Variants in CFAP77 observed in about 807,000 individuals in gnomAD.
CFAP77 encodes cilia- and flagella-associated protein 77.
Under a neutral mutation model 31.1 loss-of-function variants are expected in CFAP77, and 25 were observed. That is an observed-to-expected ratio of 0.80 (90% CI 0.59 to 1.12). The LOEUF (loss-of-function observed/expected upper bound fraction) is 1.12. Among genes scored for constraint, CFAP77 ranks in the 50% most tolerant of loss-of-function variants. The pLI, the probability that CFAP77 is intolerant of heterozygous loss-of-function variation, is 0.00. For synonymous variants in CFAP77, 151 were observed against 159.9 expected (o/e 0.94, Z 0.42); for missense variants, 377 against 397.3 (o/e 0.95, Z 0.44).
At chr9:132,420,237 T>C (rs947031282) in intron 1 of CFAP77, among the ~76,000 whole-genome samples, 6 of 150,666 alleles carry the variant, frequency 4.0e-5, no homozygotes, top group Admixed American at 6.6e-5. Context: ...AGGAGCAGTA[T>C]TGGGGCTTTC....
At chr9:132,506,087 C>T (rs192574447) in intron 3 of CFAP77, among the ~76,000 whole-genome samples, 2 of 152,348 alleles carry the variant, frequency 1.3e-5, no homozygotes, top group South Asian at 4.1e-4. Flanking sequence ...GTGCAGAGCC[C>T]GGATTTCTAT....
intron 1 of CFAP77, among the ~76,000 whole-genome samples, chr9:132,456,062 C>A (rs1210798243): frequency 6.6e-6 from 1 of 152,210 alleles, no homozygotes; most frequent in African/African-American, 2.4e-5. Context: ...GGCACTCGTC[C>A]ATCCACGAAT....
intron 3 of CFAP77, chr9:132,513,371 C>T: frequency 2.6e-6 from 4 of 1,529,766 alleles, no homozygotes; most frequent in Non-Finnish European, 2.6e-6. Context: ...TGATCCTTTC[C>T]TTTAATATTG....
intron 3 of CFAP77, among the ~76,000 whole-genome samples, chr9:132,506,347 C>T (rs475027): frequency 0.39 from 59,598 of 152,028 alleles, 12,196 homozygotes; most frequent in African/African-American, 0.51. Context: ...TATTGATGCA[C>T]TTTAATAAGT....
intron 3 of CFAP77, among the ~76,000 whole-genome samples, chr9:132,530,728 T>A (rs2119038603): frequency 6.6e-6 from 1 of 152,322 alleles, no homozygotes; most frequent in East Asian, 1.9e-4. Flanking sequence ...TGCCTCTCCA[T>A]CCTCTGAACC....
At chr9:132,459,556 T>A (rs1468104001) in intron 1 of CFAP77, among the ~76,000 whole-genome samples, 1 of 151,774 alleles carries the variant, frequency 6.6e-6, no homozygotes, top group African/African-American at 2.4e-5. Flanking sequence ...TGTGTGTGTA[T>A]GTGTGTGAGC....
At chr9:132,502,813 G>A (rs182103092) in intron 3 of CFAP77, among the ~76,000 whole-genome samples, 2 of 152,310 alleles carry the variant, frequency 1.3e-5, no homozygotes, top group East Asian at 3.9e-4. Context: ...TCTTTTGGGT[G>A]TAGACCCCGT....
intron 1 of CFAP77, among the ~76,000 whole-genome samples, chr9:132,433,580 C>G (rs942653952): frequency 6.6e-6 from 1 of 150,684 alleles, no homozygotes; most frequent in Admixed American, 6.6e-5. Context: ...CAGAGTCTCA[C>G]TCTGTCACCC....
chr9:132,495,570 A>C lies in CFAP77; in HGVS notation c.196-3125A>C, dbSNP rs963461072. ...CCCGCCTGAAACTCAGAGCCCCATCACTCTTGAGGAACATTGGGGTCTGGG... is the reference window on the plus strand; with the variant it reads ...CCCGCCTGAAACTCAGAGCCCCATCCCTCTTGAGGAACATTGGGGTCTGGG... On this transcript the variant is annotated intron_variant, in intron 1 of 5. Coordinates refer to ENST00000393216, the MANE Select transcript of CFAP77 (RefSeq NM_001282957.2). This position sits in a 1 kb window ranked among gnomAD's most constrained non-coding sequence, Gnocchi z 4.2. 6.6e-6 allele frequency among the ~76,000 whole-genome samples: 1 copy of C among 152,058 alleles called. No homozygotes were observed. Among genetic ancestry groups the C allele is most frequent in the Admixed American group, 6.6e-5 (1 of 15,260 alleles).
rs1240591321 is a variant in CFAP77 at position 132,438,540 on chromosome 9, TA to T, written c.195+28075del. ...TATGGTATATATATATATATATATATATTTTTTTTTTTTTTTTTAGACAGGG... is the reference window on the plus strand; with the variant it reads ...TATGGTATATATATATATATATATATTTTTTTTTTTTTTTTTTAGACAGGG... On this transcript the variant is annotated intron_variant, in intron 1 of 5. Transcript: ENST00000393216. 1.6e-3 allele frequency among the ~76,000 whole-genome samples: 172 copies of T among 107,962 alleles called. 1 individual carries two copies. Among genetic ancestry groups the T allele is most frequent in the East Asian group, 3.4e-3 (15 of 4,472 alleles). The allele number at this position is 107,962 out of a possible 152,430, so 70.8% of individuals were successfully genotyped here. A position where few individuals can be genotyped will look rare whatever the true frequency, so the allele number is the denominator to read the frequency against.
chr9:132,452,611 C>T (rs1349920857), intron 1 of CFAP77, among the ~76,000 whole-genome samples: 1 of 152,152 alleles, frequency 6.6e-6, no homozygotes, highest in Admixed American at 6.5e-5. Context: ...CTGCCACTAA[C>T]ATTGGATTCT....
intron 1 of CFAP77, among the ~76,000 whole-genome samples, chr9:132,458,757 G>T (rs1169946215): frequency 6.6e-6 from 1 of 152,228 alleles, no homozygotes; most frequent in East Asian, 1.9e-4. Context: ...ATGTAGCCAG[G>T]CAAGCTGGAA....
intron 1 of CFAP77, among the ~76,000 whole-genome samples, chr9:132,494,017 T>C (rs752517914): frequency 3.9e-5 from 6 of 152,094 alleles, no homozygotes; most frequent in Non-Finnish European, 8.8e-5. Flanking sequence ...GTTCAAGTGG[T>C]TCTCCCACCT....
rs1414567672 is a variant in CFAP77 at position 132,455,700 on chromosome 9, T to C, written c.196-42995T>C. Among the ~76,000 whole-genome samples, 1 of 152,068 alleles carries C rather than the reference T, an allele frequency of 6.6e-6. No homozygotes were observed. Among genetic ancestry groups the C allele is most frequent in the African/African-American group, 2.4e-5 (1 of 41,398 alleles). ...GAGTTGAGATCGCACTACTGCACTC[T>C]GGCCTGGGTGACAGAGCAAGACTGT... On this transcript the variant is annotated intron_variant, in intron 1 of 5. Transcript: ENST00000393216. The surrounding 1 kb of genome is among the most constrained non-coding windows in gnomAD (Gnocchi z 4.1).
chr9:132,533,064 G>C (rs1211180440), intron 3 of CFAP77, among the ~76,000 whole-genome samples: 2 of 152,224 alleles, frequency 1.3e-5, no homozygotes, highest in Non-Finnish European at 2.9e-5. Flanking sequence ...TCAGAGCCTG[G>C]GGTTAGATCA....
intron 1 of CFAP77, among the ~76,000 whole-genome samples, chr9:132,477,682 C>T (rs1188391428): frequency 6.6e-6 from 1 of 152,174 alleles, no homozygotes; most frequent in Admixed American, 6.5e-5. Flanking sequence ...TTCTCTTGCC[C>T]TGCATTGGGT....
At chr9:132,542,171 G>C (rs1477024613) in intron 4 of CFAP77, among the ~76,000 whole-genome samples, 8 of 152,156 alleles carry the variant, frequency 5.3e-5, no homozygotes, top group Non-Finnish European at 1.2e-4. Flanking sequence ...AGTACTCCCC[G>C]GGGGCTGCCC....
At chr9:132,559,368 G>GAAAAAAAAAAAAAAAAAAAAA (rs1852959566) in intron 5 of CFAP77, among the ~76,000 whole-genome samples, 2 of 80,460 alleles carry the variant, frequency 2.5e-5, no homozygotes, top group African/African-American at 5.8e-5. Flanking sequence ...AAAAAAAAAG[G>GAAAAAAAAAAAAAAAAAAAAA]CAAAAGATAG....
chr9:132,518,016 T>C (rs1226009349), intron 3 of CFAP77, among the ~76,000 whole-genome samples: 4 of 152,080 alleles, frequency 2.6e-5, no homozygotes, highest in Non-Finnish European at 5.9e-5. Context: ...GCGCGTCCGG[T>C]GGTGAGAAAC....
Sources: allele counts gnomAD v4.1 joint callset (sites outside exome capture counted in the v4.1 genomes callset), GRCh38; gene constraint gnomAD v4.1.1; non-coding constraint Gnocchi (gnomAD v3.1); transcripts MANE v1.5; gene names NCBI Gene and HGNC (gene_info 2026-07-23, HGNC 2026-07-21).